The following QSOX1 variants were observed in gnomAD, a reference collection of about 807,000 sequenced individuals.
QSOX1 encodes quiescin sulfhydryl oxidase 1, also known as sulfhydryl oxidase 1.
Under a neutral mutation model 76.1 loss-of-function variants are expected in QSOX1, and 40 were observed. The observed-to-expected ratio is 0.53, with a 90% CI of 0.41 to 0.68. The LOEUF (loss-of-function observed/expected upper bound fraction) is 0.68. Ranked by LOEUF, QSOX1 falls within the 30% of genes least tolerant of loss-of-function variation. The pLI is 0.00. For synonymous variants in QSOX1, 392 were observed against 413.1 expected (o/e 0.95, Z 0.62); for missense variants, 931 against 974.3 (o/e 0.96, Z 0.59).
At chr1:180,188,983 C>T (rs1392633850) in intron 8 of QSOX1, among the ~76,000 whole-genome samples, 2 of 152,234 alleles carry the variant, frequency 1.3e-5, no homozygotes, top group East Asian at 3.8e-4. Context: ...GCTTTTCATG[C>T]TCCTCAGATA....
chr1:180,180,453 G>T (rs770292769), intron 5 of QSOX1, among the ~76,000 whole-genome samples: 3 of 152,062 alleles, frequency 2.0e-5, no homozygotes, highest in African/African-American at 7.2e-5. Context: ...CAGGAGATCC[G>T]CCCACCTCAG....
chr1:180,197,062 G>A lies in QSOX1; in HGVS notation c.*25G>A, dbSNP rs1284572724. 1.3e-6 allele frequency: 2 copies of A among 1,584,210 alleles called. No individual in the cohort carries two copies. Among genetic ancestry groups the A allele is most frequent in the Non-Finnish European group, 1.7e-6 (2 of 1,165,938 alleles). On this transcript the variant is annotated 3_prime_UTR_variant, in exon 12 of 12. Coordinates refer to ENST00000367602, the MANE Select transcript of QSOX1 (RefSeq NM_002826.5). ...AACCACCTGGGGAGGAGGCGGGAGA[G>A]GGAGCTGCCATCTCTAGGCACCTCA...
intron 2 of QSOX1, among the ~76,000 whole-genome samples, chr1:180,167,495 G>A (rs866815586): frequency 2.6e-5 from 4 of 152,188 alleles, no homozygotes; most frequent in Non-Finnish European, 5.9e-5. Context: ...AAGCAGAACT[G>A]TGAGCCAGAA....
Position 180,189,636 on chromosome 1 carries a change from TAC to T in QSOX1, c.1104_1105del (p.Tyr368Ter), listed in dbSNP as rs1284273190. 1.9e-6 allele frequency: 3 copies of T among 1,612,748 alleles called. No homozygotes were observed. Among genetic ancestry groups the T allele is most frequent in the Non-Finnish European group, 8.5e-7 (1 of 1,179,122 alleles). ...LKRQKRNKIP[Y>X]SFFKTALDDR... The stretch of plus-strand genomic sequence containing the variant: ...GAGGCAGAAGAGAAATAAAATTCCC[TAC>T]AGTTTCTTTAAAACTGCCCTGGACG... On this transcript the variant is annotated frameshift_variant, in exon 9 of 12. Transcript: ENST00000367602. LOFTEE classifies it high-confidence loss of function.
Position 180,202,119 on chromosome 1 carries a change from T to A in QSOX1, c.*5082T>A. The A allele has an allele frequency of 6.6e-6, 1 of 152,186 alleles. No individual in the cohort carries two copies. 9.4% of individuals were successfully genotyped at this position (152,186 alleles called of 1,614,324 possible). A position where few individuals can be genotyped will look rare whatever the true frequency, so the allele number is the denominator to read the frequency against. On this transcript the variant is annotated 3_prime_UTR_variant, in exon 12 of 12. Coordinates refer to ENST00000367602, the MANE Select transcript of QSOX1 (RefSeq NM_002826.5). ...AATCACAAGGCAGAGGAGGAGACCT[T>A]TGCCAATGTGAGAGAACAAAGTTAA...
chr1:180,195,321 C>G (rs1442548116), intron 11 of QSOX1, among the ~76,000 whole-genome samples: 1 of 152,158 alleles, frequency 6.6e-6, no homozygotes, highest in Non-Finnish European at 1.5e-5. Context: ...CAGGCACAAG[C>G]TGAGAGCCCC....
In QSOX1 at chr1:180,202,751, A is replaced by C. The variant is rs569656393; in HGVS notation, c.*5714A>C. On this transcript the variant is annotated 3_prime_UTR_variant, in exon 12 of 12. Transcript: ENST00000367602. ...AAGCATGAAAACAATGGAAAATGCA[A>C]CTGATGTGAGTAATCCATCTACTTG... The C allele has an allele frequency of 6.6e-6, 1 of 151,998 alleles. No individual in the cohort carries two copies. Among genetic ancestry groups the C allele is most frequent in the Non-Finnish European group, 1.5e-5 (1 of 68,010 alleles). The allele number at this position is 151,998 out of a possible 1,614,324, so 9.4% of individuals were successfully genotyped here. A position where few individuals can be genotyped will look rare whatever the true frequency, so the allele number is the denominator to read the frequency against.
intron 10 of QSOX1, among the ~76,000 whole-genome samples, chr1:180,191,862 T>A (rs1272219498): frequency 6.6e-6 from 1 of 152,066 alleles, no homozygotes; most frequent in African/African-American, 2.4e-5. Context: ...AGTAGACGTC[T>A]GTTGTCTGAG....
Position 180,198,714 on chromosome 1 carries a change from T to C in QSOX1, c.*1677T>C, listed in dbSNP as rs535285691. ...TCTGTGCCCCTGCTCCAGGCACCCA[T>C]TGGCTCCATCCTCCTGGTTGTGCTC... On this transcript the variant is annotated 3_prime_UTR_variant, in exon 12 of 12. Transcript: ENST00000367602. The C allele has an allele frequency of 4.5e-4, 139 of 305,538 alleles. No homozygotes were observed. The highest frequency in any genetic ancestry group is 2.6e-3 in the African/African-American group (120 of 46,012). The allele number at this position is 305,538 out of a possible 1,614,324, so 18.9% of individuals were successfully genotyped here.
In QSOX1 at chr1:180,166,576, C is replaced by T; in HGVS notation, c.351C>T (p.Gly117=). Residue 117 remains glycine, a synonymous_variant, in exon 2 of 12, where the codon GGC becomes GGT. Transcript: ENST00000367602. ...SAVCRDFNIP[G]FPTVRFFKAF... ...TCTGCAGAGACTTCAACATCCCTGG[C>T]TTCCCGACTGTGAGGGTGTGTGACT... 1 of 1,614,012 alleles carries T rather than the reference C, an allele frequency of 6.2e-7. No individual in the cohort carries two copies. The highest frequency in any genetic ancestry group is 8.5e-7 in the Non-Finnish European group (1 of 1,179,924).
chr1:180,171,210 C>T (rs1304076497), intron 2 of QSOX1, among the ~76,000 whole-genome samples: 1 of 152,074 alleles, frequency 6.6e-6, no homozygotes, highest in Non-Finnish European at 1.5e-5. Context: ...ATGCAGTGAC[C>T]CAAAAATACG....
In QSOX1 at chr1:180,202,581, G is replaced by A. The variant is rs1215333228; in HGVS notation, c.*5544G>A. On this transcript the variant is annotated 3_prime_UTR_variant, in exon 12 of 12. Coordinates refer to ENST00000367602, the MANE Select transcript of QSOX1 (RefSeq NM_002826.5). Reference sequence around the variant, plus strand: ...AGGGAGGAATTGCTTAGCAAATGATGTTGAGAATAGTGATTATTTGGGGGA... The same window carrying A: ...AGGGAGGAATTGCTTAGCAAATGATATTGAGAATAGTGATTATTTGGGGGA... 6.7e-6 allele frequency: 1 copy of A among 148,782 alleles called. No homozygotes were observed. Among genetic ancestry groups the A allele is most frequent in the East Asian group, 2.0e-4 (1 of 4,916 alleles). 9.2% of individuals were successfully genotyped at this position (148,782 alleles called of 1,614,324 possible).
intron 6 of QSOX1, 76 bp downstream of exon 6, chr1:180,182,395 C>T (rs1663063028): frequency 6.4e-7 from 1 of 1,563,186 alleles, no homozygotes; most frequent in Admixed American, 1.7e-5. Context: ...GAGGGGCTGC[C>T]CGCCTTTCAC....
At chr1:180,170,672 C>G (rs1662740652) in intron 2 of QSOX1, among the ~76,000 whole-genome samples, 1 of 152,214 alleles carries the variant, frequency 6.6e-6, no homozygotes, top group African/African-American at 2.4e-5. Context: ...TGCCTGCTTC[C>G]AGGGAGCTGT....
rs577755403 is a variant in QSOX1 at position 180,157,026 on chromosome 1, G to A, written c.265+1854G>A. Among the ~76,000 whole-genome samples the A allele has an allele frequency of 1.4e-4, 22 of 152,310 alleles. No individual in the cohort carries two copies. The East Asian group carries it at 4.1e-3, about 28-fold the overall frequency. On this transcript the variant is annotated intron_variant, in intron 1 of 11. Transcript: ENST00000367602. Reference sequence around the variant, plus strand: ...TGCAGAGTTTTTAGTTTTCCTATGAGTTGCATGTCTAGATACTGACCCATT... The same window carrying A: ...TGCAGAGTTTTTAGTTTTCCTATGAATTGCATGTCTAGATACTGACCCATT...
intron 1 of QSOX1, among the ~76,000 whole-genome samples, chr1:180,163,248 A>G (rs777255105): frequency 1.3e-5 from 2 of 152,066 alleles, no homozygotes; most frequent in Non-Finnish European, 2.9e-5. Context: ...CCTCTTTCTC[A>G]TTGTGAAATA....
chr1:180,181,709 A>T (rs994897917), intron 5 of QSOX1, among the ~76,000 whole-genome samples: 18 of 152,186 alleles, frequency 1.2e-4, no homozygotes, highest in South Asian at 1.0e-3. Context: ...TTCTAAAGGG[A>T]TCTTTTCCCT....
chr1:180,168,023 GC>G (rs1157988804), intron 2 of QSOX1, among the ~76,000 whole-genome samples: 1 of 152,230 alleles, frequency 6.6e-6, no homozygotes, highest in Admixed American at 6.5e-5. Context: ...CCACTGCCCA[GC>G]CCCCAGGGGA....
intron 1 of QSOX1, among the ~76,000 whole-genome samples, chr1:180,165,660 G>T (rs1172103250): frequency 6.6e-6 from 1 of 152,258 alleles, no homozygotes; most frequent in African/African-American, 2.4e-5. Flanking sequence ...CGGCTTGTGT[G>T]TCTTCCTCTG....
Sources: gnomAD v4.1 joint callset for allele counts (sites outside exome capture counted in the v4.1 genomes callset) on GRCh38, gnomAD v4.1.1 for gene constraint, MANE v1.5 for transcripts, NCBI Gene and HGNC (gene_info 2026-07-23, HGNC 2026-07-21) for gene names.